The following CAPN10 variants were observed in gnomAD, a reference collection of about 807,000 sequenced individuals.
CAPN10 encodes the protein calpain-10.
A neutral mutation model predicts 78.4 loss-of-function variants in CAPN10; 71 were observed. The ratio of observed to expected loss-of-function variants is 0.91; its 90% confidence interval spans 0.75 to 1.10. The LOEUF is 1.10. Ranked by LOEUF, CAPN10 falls within the 50% of genes least tolerant of loss-of-function variation. The pLI, the probability that CAPN10 is intolerant of heterozygous loss-of-function variation, is 0.00. For synonymous variants in CAPN10, 437 were observed against 407.2 expected, an observed-to-expected ratio of 1.07 and a Z score of -0.88; for missense variants, 849 against 924.6, an observed-to-expected ratio of 0.92 and a Z score of 1.06.
intron 3 of CAPN10, chr2:240,591,326 T>C (rs1349761516): frequency 5.9e-6 from 2 of 341,596 alleles, no homozygotes; most frequent in East Asian, 5.7e-5. Flanking sequence ...TTTATATTTG[T>C]TGTGGAGTGG....
At chr2:240,589,238 C>A in intron 1 of CAPN10, 105 bp from the exon 2 acceptor site, 1 of 1,461,480 alleles carries the variant, frequency 6.8e-7, no homozygotes, top group Admixed American at 1.7e-5. Flanking sequence ...CACTGATGAT[C>A]GGAAAAGCTC....
chr2:240,594,176 C>T, intron 5 of CAPN10, 129 bp downstream of exon 5: 1 of 979,024 alleles, frequency 1.0e-6, no homozygotes, highest in Non-Finnish European at 1.4e-6. Context: ...TGAGTCCCTG[C>T]TCTCGTGACA....
rs1044698088 is a variant in CAPN10 at position 240,598,248 on chromosome 2, G to A, written c.1944-104G>A. On this transcript the variant is annotated intron_variant, in intron 10 of 11. Coordinates refer to ENST00000391984, the MANE Select transcript of CAPN10 (RefSeq NM_023083.4). The stretch of plus-strand genomic sequence containing the variant: ...GCCTACCTGGGGACCCTTCCTTGCT[G>A]GTCTGAGCCTGGAAGGAGAGTCTAG... 12 of 1,466,542 alleles carry A rather than the reference G, an allele frequency of 8.2e-6. No individual in the cohort carries two copies. In the Admixed American group the frequency reaches 1.7e-4, roughly 20 times the overall value. The allele number at this position is 1,466,542 out of a possible 1,614,324, so 90.8% of individuals were successfully genotyped here.
chr2:240,587,308 G>C (rs985157101), intron 1 of CAPN10, among the ~76,000 whole-genome samples: 10 of 152,216 alleles, frequency 6.6e-5, no homozygotes, highest in Admixed American at 6.5e-4. Context: ...AATCCAGGAG[G>C]CTCAGAGCGC....
chr2:240,587,765 G>T (rs1250995639), intron 1 of CAPN10, among the ~76,000 whole-genome samples: 1 of 152,242 alleles, frequency 6.6e-6, no homozygotes, highest in African/African-American at 2.4e-5. Flanking sequence ...GCAAGGGTCA[G>T]ACCATGTAGA....
At chr2:240,596,992 G>T in intron 9 of CAPN10, 50 bp downstream of exon 9, 1 of 1,609,490 alleles carries the variant, frequency 6.2e-7, no homozygotes, top group South Asian at 1.1e-5. Flanking sequence ...GGCCCTCAGA[G>T]AATTTGCATC....
Position 240,594,617 on chromosome 2 carries a change from G to A in CAPN10, c.905G>A (p.Trp302Ter). 6.2e-7 allele frequency: 1 copy of A among 1,614,028 alleles called. No homozygotes were observed. Among genetic ancestry groups the A allele is most frequent in the Non-Finnish European group, 8.5e-7 (1 of 1,180,000 alleles). ...TCCCAGCTCCAGGAAGGGGAGTTCTGGGTGGAGGAGGAGGAGTTCCTCAGG... is the reference window on the plus strand; with the variant it reads ...TCCCAGCTCCAGGAAGGGGAGTTCTAGGTGGAGGAGGAGGAGTTCCTCAGG... ...LLSQLQEGEF[W>*]VEEEEFLREF... is the part of the protein sequence containing the mutation. Residue 302 changes from tryptophan to a stop codon, truncating the protein, a stop_gained, in exon 6 of 12, where the codon TGG becomes TAG. Transcript: ENST00000391984. LOFTEE classifies it high-confidence loss of function.
Position 240,594,590 on chromosome 2 carries a change from T to C in CAPN10, c.878T>C (p.Leu293Pro), listed in dbSNP as rs2093123976. The change falls in exon 6 of 12, where the codon CTG becomes CCG. Residue 293 changes from leucine to proline, a missense_variant. Physicochemically the swap from Leu to Pro is moderately conservative, Grantham distance 98 (BLOSUM62 -3). Coordinates refer to ENST00000391984, the MANE Select transcript of CAPN10 (RefSeq NM_023083.4). ...GATGCAGCGGTAGCATCTGAGCTCC[T>C]GTCCCAGCTCCAGGAAGGGGAGTTC... Reference protein sequence around the residue: ...QVDAAVASELLSQLQEGEFWV... With the variant: ...QVDAAVASELPSQLQEGEFWV... The C allele has an allele frequency of 6.2e-7, 1 of 1,613,914 alleles. No individual in the cohort carries two copies. The highest frequency in any genetic ancestry group is 1.7e-5 in the Admixed American group (1 of 60,018).
intron 1 of CAPN10, among the ~76,000 whole-genome samples, chr2:240,588,940 G>A (rs1336602476): frequency 1.3e-5 from 2 of 151,924 alleles, no homozygotes; most frequent in Non-Finnish European, 2.9e-5. Context: ...GAGTAGACGG[G>A]GAGAAAGGGG....
chr2:240,594,890 G>A (rs1553612652), intron 6 of CAPN10, 134 bp from the exon 7 acceptor site: 12 of 529,936 alleles, frequency 2.3e-5, no homozygotes, highest in Middle Eastern at 5.6e-4. Flanking sequence ...GAGGAGGGTG[G>A]GCTTGTGGGA....
At chr2:240,598,549 AG>A in intron 11 of CAPN10, 101 bp from the exon 12 acceptor site, 1 of 1,462,294 alleles carries the variant, frequency 6.8e-7, no homozygotes, top group Non-Finnish European at 9.4e-7. Flanking sequence ...CTTGAAGGGC[AG>A]GGGGAGCTGA....
intron 9 of CAPN10, 135 bp from the exon 10 acceptor site, chr2:240,597,753 C>G (rs1559427591): frequency 1.2e-6 from 1 of 815,156 alleles, no homozygotes; most frequent in East Asian, 2.7e-5. Context: ...GTCCAGTGTC[C>G]AGGCCTGGCA....
In CAPN10 at chr2:240,592,154, A is replaced by G. The variant is rs1356170894; in HGVS notation, c.688+4A>G. ...TGCGTGCTCAGCCCCAGAGCAGGTG[A>G]GGCACGTGGCCAGCATGGGAGGGCT... On this transcript the variant is annotated splice_donor_region_variant and intron_variant, in intron 4 of 11. Coordinates refer to ENST00000391984, the MANE Select transcript of CAPN10 (RefSeq NM_023083.4). 2 of 1,556,320 alleles carry G rather than the reference A, an allele frequency of 1.3e-6. No individual in the cohort carries two copies. The highest frequency in any genetic ancestry group is 1.7e-6 in the Non-Finnish European group (2 of 1,150,014).
chr2:240,592,756 C>G (rs2093110489), intron 4 of CAPN10: 1 of 289,022 alleles, frequency 3.5e-6, no homozygotes, highest in Admixed American at 4.8e-5. Flanking sequence ...CGCACCGCTT[C>G]TCACACTGCC....
rs760362038 is a variant in CAPN10 at position 240,595,243 on chromosome 2, C to T, written c.1217C>T (p.Ser406Leu). 5.0e-6 allele frequency: 8 copies of T among 1,613,622 alleles called. No homozygotes were observed. The East Asian group carries it at 6.7e-5, about 13-fold the overall frequency. ...ARALVGDSHT[S>L]WSPASIPGKH... ...GCACTGGTGGGTGACAGTCATACTT[C>T]GTGGAGCCCAGCGAGCATCCCGGGC... is the stretch of plus-strand genomic sequence containing the variant. The change falls in exon 7 of 12, where the codon TCG becomes TTG. Residue 406 changes from serine (S) to leucine (L), a missense_variant. Ser to Leu is a moderately radical substitution (Grantham distance 145). Transcript: ENST00000391984.
Position 240,593,943 on chromosome 2 carries a change from C to T in CAPN10, c.726C>T (p.Val242=). ...RELGEFHAFI[V]SDLRELQGQA... is the part of the protein sequence containing the mutation. ...TGGGGGAGTTCCATGCCTTCATTGT[C>T]TCGGACCTGCGGGAGCTCCAGGGTC... The change falls in exon 5 of 12, where the codon GTC becomes GTT. Residue 242 remains valine, a synonymous_variant. Coordinates refer to ENST00000391984, the MANE Select transcript of CAPN10 (RefSeq NM_023083.4). 1 of 1,609,762 alleles carries T rather than the reference C, an allele frequency of 6.2e-7. No homozygotes were observed. The highest frequency in any genetic ancestry group is 8.5e-7 in the Non-Finnish European group (1 of 1,177,080).
At chr2:240,597,822 A>G in intron 9 of CAPN10, 66 bp from the exon 10 acceptor site, 1 of 1,400,676 alleles carries the variant, frequency 7.1e-7, no homozygotes, top group East Asian at 2.5e-5. Flanking sequence ...ATCCGAGCAG[A>G]TGGCCCTGGG....
intron 6 of CAPN10, 41 bp from the exon 7 acceptor site, chr2:240,594,983 G>A: frequency 6.2e-7 from 1 of 1,601,228 alleles, no homozygotes; most frequent in Non-Finnish European, 8.5e-7. Flanking sequence ...GGCCAGCGAG[G>A]AGCCGTGTCC....
chr2:240,597,000 A>T, intron 9 of CAPN10, 58 bp downstream of exon 9: 2 of 1,603,418 alleles, frequency 1.2e-6, no homozygotes, highest in Admixed American at 3.3e-5. Flanking sequence ...GAGAATTTGC[A>T]TCTTGGCCTC....
Sources: gnomAD v4.1 joint callset for allele counts (sites outside exome capture counted in the v4.1 genomes callset) on GRCh38, gnomAD v4.1.1 for gene constraint, MANE v1.5 for transcripts, NCBI Gene and HGNC (gene_info 2026-07-23, HGNC 2026-07-21) for gene names.